The following GPHN variants were observed in gnomAD, a reference collection of about 807,000 sequenced individuals.
GPHN encodes the protein gephyrin.
GPHN carries 17 observed loss-of-function variants against 95.5 expected under a neutral mutation model. The observed-to-expected ratio is 0.18, with a 90% CI of 0.12 to 0.27. The LOEUF is 0.27. GPHN is among the 10% of genes least tolerant of loss of function. GPHN has a pLI of 1.00. For missense variants in GPHN, 660 were observed against 978.1 expected, an observed-to-expected ratio of 0.67 and a Z score of 4.34; for synonymous variants, 320 against 322.5, an observed-to-expected ratio of 0.99 and a Z score of 0.08.
chr14:66,956,364 T>A (rs1192153239), intron 8 of GPHN, among the ~76,000 whole-genome samples: 1 of 152,258 alleles, frequency 6.6e-6, no homozygotes, highest in Non-Finnish European at 1.5e-5. Context: ...AATGTGTTTA[T>A]AGCAGCATGA....
chr14:67,390,746 C>A, the GPHN span: 5 of 1,608,536 alleles, frequency 3.1e-6, no homozygotes, highest in Non-Finnish European at 4.3e-6. Context: ...CTCTTGTGTC[C>A]CTGAGGCAAA....
chr14:67,203,138 C>T, the GPHN span: 1 of 1,613,858 alleles, frequency 6.2e-7, no homozygotes, highest in Non-Finnish European at 8.5e-7. Flanking sequence ...ACCGAGCCAA[C>T]TGGGTGACCG....
chr14:67,289,099 TG>T, the GPHN span, among the ~76,000 whole-genome samples: 1 of 151,264 alleles, frequency 6.6e-6, no homozygotes, highest in Non-Finnish European at 1.5e-5. Flanking sequence ...CCCAAGTAGC[TG>T]GGACTACAGG....
chr14:67,301,307 C>T, the GPHN span: 1 of 668,098 alleles, frequency 1.5e-6, no homozygotes, highest in Non-Finnish European at 2.4e-6. Flanking sequence ...TTAATTTGTA[C>T]TTAAAAAATA....
At chr14:67,167,485 C>A (rs567889134) in intron 20 of GPHN, among the ~76,000 whole-genome samples, 2 of 152,072 alleles carry the variant, frequency 1.3e-5, no homozygotes, top group Non-Finnish European at 2.9e-5. Context: ...ACTCATTTTT[C>A]CATCGAAACT....
At chr14:66,755,442 TAGAC>T (rs1337028497) in intron 2 of GPHN, among the ~76,000 whole-genome samples, 2 of 152,124 alleles carry the variant, frequency 1.3e-5, no homozygotes, top group Non-Finnish European at 2.9e-5. Context: ...TCATAAATAA[TAGAC>T]AGTTCCTCAG....
intron 10 of GPHN, among the ~76,000 whole-genome samples, chr14:67,050,140 A>G (rs1299970212): frequency 1.3e-5 from 2 of 152,232 alleles, no homozygotes; most frequent in Non-Finnish European, 2.9e-5. Flanking sequence ...ATGTATGCAT[A>G]TCTCAAAACA....
At chr14:67,665,259 C>CT in the GPHN span, among the ~76,000 whole-genome samples, 57,606 of 126,302 alleles carry the variant, frequency 0.46, 15,047 homozygotes, top group Non-Finnish European at 0.6. Context: ...TCAGTTATAT[C>CT]TTTTTTTTTT....
intron 8 of GPHN, among the ~76,000 whole-genome samples, chr14:66,947,054 A>G (rs962498470): frequency 1.3e-5 from 2 of 152,192 alleles, no homozygotes; most frequent in Non-Finnish European, 2.9e-5. Context: ...TATCACATTC[A>G]TTGTTACCAA....
the GPHN span, among the ~76,000 whole-genome samples, chr14:67,212,876 A>G: frequency 6.7e-6 from 1 of 150,298 alleles, no homozygotes; most frequent in South Asian, 2.1e-4. Context: ...TCACAATCCC[A>G]GAGCCTCTAG....
intron 11 of GPHN, among the ~76,000 whole-genome samples, chr14:67,063,528 G>A (rs1345001422): frequency 1.3e-5 from 2 of 152,118 alleles, no homozygotes; most frequent in African/African-American, 4.8e-5. Flanking sequence ...TGGGCAGTAT[G>A]GCCATTTTCA....
the GPHN span, chr14:67,729,572 C>G: frequency 1.5e-6 from 1 of 653,240 alleles, no homozygotes; most frequent in Admixed American, 2.4e-5. Flanking sequence ...GGAAGAGTTG[C>G]TTTTCTGGCT....
chr14:67,340,386 G>T, the GPHN span: 1 of 1,467,254 alleles, frequency 6.8e-7, no homozygotes, highest in Non-Finnish European at 9.5e-7. Flanking sequence ...AGCAAATACA[G>T]CCTTTGGAAT....
chr14:66,735,363 A>G lies in GPHN; in HGVS notation c.144-41101A>G, dbSNP rs1037854574. On this transcript the variant is annotated intron_variant, in intron 2 of 22. Coordinates refer to ENST00000478722, the MANE Select transcript of GPHN (RefSeq NM_020806.5). ...TGTGAGAAAAAGCAAGTACTACAGG[A>G]AAATTATTGTGGAAGAGGAAAGGAG... 3.9e-5 allele frequency among the ~76,000 whole-genome samples: 6 copies of G among 152,302 alleles called. No homozygotes were observed. The South Asian group carries it at 1.2e-3, about 32-fold the overall frequency.
chr14:66,956,990 G>A (rs2068555206), intron 8 of GPHN, among the ~76,000 whole-genome samples: 1 of 148,090 alleles, frequency 6.8e-6, no homozygotes. Context: ...GGGAGGGATA[G>A]CACTGGGAGA....
At chr14:66,698,175 T>G (rs1277951542) in intron 2 of GPHN, among the ~76,000 whole-genome samples, 1 of 152,106 alleles carries the variant, frequency 6.6e-6, no homozygotes, top group Non-Finnish European at 1.5e-5. Context: ...TCATCACAAG[T>G]TAAAAAATAC....
chr14:66,535,619 G>A (rs1009208651), intron 1 of GPHN, among the ~76,000 whole-genome samples: 1 of 152,018 alleles, frequency 6.6e-6, no homozygotes, highest in Non-Finnish European at 1.5e-5. Flanking sequence ...CCATTTACTT[G>A]GGTCTTTAAG....
At chr14:67,290,458 A>G in the GPHN span, among the ~76,000 whole-genome samples, 5 of 152,228 alleles carry the variant, frequency 3.3e-5, no homozygotes, top group East Asian at 1.9e-4. Flanking sequence ...GCTAGAGTGC[A>G]GTAGCGTGAT....
the GPHN span, among the ~76,000 whole-genome samples, chr14:67,339,448 T>C: frequency 1.3e-5 from 2 of 152,278 alleles, no homozygotes; most frequent in South Asian, 4.1e-4. Context: ...TTATAGACCA[T>C]AGTTAGATGC....
Sources: gnomAD v4.1 joint callset for allele counts (sites outside exome capture counted in the v4.1 genomes callset) on GRCh38, gnomAD v4.1.1 for gene constraint, MANE v1.5 for transcripts, NCBI Gene and HGNC (gene_info 2026-07-23, HGNC 2026-07-21) for gene names.